Variants in PHOSPHO1 observed in about 807,000 individuals in gnomAD.
PHOSPHO1 encodes the protein phosphoethanolamine/phosphocholine phosphatase 1.
In PHOSPHO1, 6 loss-of-function variants were observed where a neutral mutation model predicts 17.7. The ratio of observed to expected loss-of-function variants is 0.34; its 90% CI spans 0.19 to 0.67. The LOEUF is 0.67. Among genes scored for constraint, PHOSPHO1 ranks in the 30% least tolerant of loss-of-function variants. The probability of loss-of-function intolerance (pLI) is 0.69; values close to 1 mark genes in which losing one functional copy is unlikely to be tolerated. For synonymous variants in PHOSPHO1, 159 were observed against 174.6 expected (o/e 0.91, Z 0.71); for missense variants, 330 against 392.1 (o/e 0.84, Z 1.34).
Position 49,223,966 on chromosome 17 carries a change from C to T in PHOSPHO1, c.*280G>A. On this transcript the variant is annotated 3_prime_UTR_variant, in exon 3 of 3. Transcript: ENST00000310544. ...TCCCAGTTGGGAGGACCAGGAAATACTGCTGCCTTCCAAGGTTTGCGCGCC... is the reference window on the plus strand; with the variant it reads ...TCCCAGTTGGGAGGACCAGGAAATATTGCTGCCTTCCAAGGTTTGCGCGCC... 2.6e-6 allele frequency: 1 copy of T among 381,974 alleles called. No homozygotes were observed. The highest frequency in any genetic ancestry group is 4.6e-6 in the Non-Finnish European group (1 of 216,242). 23.7% of individuals were successfully genotyped at this position (381,974 alleles called of 1,614,324 possible).
At chr17:49,226,618 C>G (rs778177958) in intron 2 of PHOSPHO1, 29 bp downstream of exon 2, 13 of 1,612,706 alleles carry the variant, frequency 8.1e-6, no homozygotes, top group Non-Finnish European at 1.0e-5. Flanking sequence ...AGGCCTCATC[C>G]TAGGAGACCC....
chr17:49,229,750 C>CT (rs1369041449), intron 1 of PHOSPHO1, among the ~76,000 whole-genome samples: 2 of 152,214 alleles, frequency 1.3e-5, no homozygotes, highest in East Asian at 3.8e-4. Flanking sequence ...AATTCCCTCC[C>CT]TTTCCCAGAC....
Position 49,225,805 on chromosome 17 carries a change from G to A in PHOSPHO1, c.46-801C>T, listed in dbSNP as rs751482852. ...GGGAGACAGGTAAGGGAGAAGAGAA[G>A]AGAGCAGCAGTGGCTGAAAAGGCAG... is the stretch of plus-strand genomic sequence containing the variant. On this transcript the variant is annotated intron_variant, in intron 2 of 2. Coordinates refer to ENST00000310544, the MANE Select transcript of PHOSPHO1 (RefSeq NM_178500.4). 42 of 1,222,514 alleles carry A rather than the reference G, an allele frequency of 3.4e-5. No individual in the cohort carries two copies. The South Asian group carries it at 5.7e-4, about 17-fold the overall frequency. 75.7% of individuals were successfully genotyped at this position (1,222,514 alleles called of 1,614,324 possible).
rs577370571 is a variant in PHOSPHO1, at chr17:49,226,379, C to A, written c.45+268G>T. ...CTATCTGCCTCCCTAACCAAGCTGT[C>A]CCTTCCACCTCATCCCTAGAGTCAC... On this transcript the variant is annotated intron_variant, in intron 2 of 2. Transcript: ENST00000310544. Among the ~76,000 whole-genome samples the A allele has an allele frequency of 2.0e-4, 31 of 152,290 alleles. No individual in the cohort carries two copies. The South Asian group carries it at 2.9e-3, about 14-fold the overall frequency.
At chr17:49,229,027 A>AT (rs2043388960) in intron 1 of PHOSPHO1, 1 of 151,634 alleles carries the variant, frequency 6.6e-6, no homozygotes, top group Non-Finnish European at 1.5e-5. Flanking sequence ...ATACAGTTAC[A>AT]TTTTTCTGCT....
In PHOSPHO1 at chr17:49,224,461, G is replaced by A. The variant is rs1326217078; in HGVS notation, c.589C>T (p.Arg197Cys). The change falls in exon 3 of 3, where the codon CGC (arginine) becomes TGC (cysteine). Residue 197 changes from arginine to cysteine, a missense_variant. Arg to Cys is a radical substitution (Grantham distance 180, BLOSUM62 -3). Coordinates refer to ENST00000310544, the MANE Select transcript of PHOSPHO1 (RefSeq NM_178500.4). The part of the protein sequence containing the change: ...ERAHDGVHFE[R>C]LFYVGDGAND... ...GCGCCGTCGCCCACGTAGAAGAGGC[G>A]CTCGAAGTGCACGCCGTCGTGGGCC... is the stretch of plus-strand genomic sequence containing the variant. The A allele has an allele frequency of 6.4e-7, 1 of 1,561,138 alleles. No individual in the cohort carries two copies. The highest frequency in any genetic ancestry group is 8.7e-7 in the Non-Finnish European group (1 of 1,154,986).
At chr17:49,225,030 G>C (rs1336258130) in intron 2 of PHOSPHO1, 26 bp from the exon 3 acceptor site, 6 of 1,366,310 alleles carry the variant, frequency 4.4e-6, no homozygotes, top group Admixed American at 2.7e-5. Context: ...AGAGCAGCAG[G>C]AGGAGGAGGA....
intron 1 of PHOSPHO1, among the ~76,000 whole-genome samples, chr17:49,229,439 CG>C (rs2043391957): frequency 6.6e-6 from 1 of 152,110 alleles, no homozygotes; most frequent in African/African-American, 2.4e-5. Flanking sequence ...AATTCTGCAC[CG>C]GGTCACAGAT....
In PHOSPHO1 at chr17:49,223,505, CT is replaced by C. The variant is rs2043316099; in HGVS notation, c.*740del. The C allele has an allele frequency of 6.5e-6, 1 of 152,800 alleles. No homozygotes were observed. The highest frequency in any genetic ancestry group is 2.4e-5 in the African/African-American group (1 of 41,374). The allele number at this position is 152,800 out of a possible 1,614,324, so 9.5% of individuals were successfully genotyped here. Reference sequence around the variant, plus strand: ...TGGAAGGCCCAGCCCGCGAGGGTGACTTTGGTGAAGTCCCTGGTCTCTTGCT... The same window carrying C: ...TGGAAGGCCCAGCCCGCGAGGGTGACTTGGTGAAGTCCCTGGTCTCTTGCT... On this transcript the variant is annotated 3_prime_UTR_variant, in exon 3 of 3. Coordinates refer to ENST00000310544, the MANE Select transcript of PHOSPHO1 (RefSeq NM_178500.4).
chr17:49,225,689 G>A (rs1489848113), intron 2 of PHOSPHO1: 3 of 1,289,578 alleles, frequency 2.3e-6, no homozygotes, highest in South Asian at 1.2e-5. Context: ...AGCAGGTGGG[G>A]TTTCTGCCAG....
chr17:49,228,780 T>C (rs1598254621), intron 1 of PHOSPHO1, among the ~76,000 whole-genome samples: 1 of 110,858 alleles, frequency 9.0e-6, no homozygotes, highest in Non-Finnish European at 1.7e-5. Context: ...ACAGCGAGAC[T>C]CCGTCTCAAA....
Position 49,224,552 on chromosome 17 carries a change from G to C in PHOSPHO1, c.498C>G (p.His166Gln). The C allele has an allele frequency of 6.4e-7, 1 of 1,567,248 alleles. No homozygotes were observed. The highest frequency in any genetic ancestry group is 2.4e-5 in the East Asian group (1 of 42,292). ...GLLALRPFHT[H>Q]SCARCPANMC... ...TGTTGGCGGGGCAGCGCGCGCAGCT[G>C]TGTGTGTGGAACGGCCGCAGAGCCA... The change falls in exon 3 of 3, where the codon CAC (histidine) becomes CAG (glutamine). Residue 166 changes from histidine (H) to glutamine (Q), a missense_variant. Physicochemically the swap from His to Gln is conservative, Grantham distance 24. Coordinates refer to ENST00000310544, the MANE Select transcript of PHOSPHO1 (RefSeq NM_178500.4).
intron 1 of PHOSPHO1, among the ~76,000 whole-genome samples, chr17:49,228,291 TCCTTCCTC>T (rs1401197463): frequency 1.6e-5 from 1 of 64,476 alleles, no homozygotes; most frequent in Non-Finnish European, 3.6e-5. Context: ...CTTCCTTCCT[TCCTTCCTC>T]CTTCCTTCCT....
chr17:49,223,800 G>A lies in PHOSPHO1; in HGVS notation c.*446C>T, dbSNP rs976632985. ...TGGAGACCCTCTTCTGCCTCTGTGG[G>A]GAGTTCTTGCGGCCAGGAGAATTTC... On this transcript the variant is annotated 3_prime_UTR_variant, in exon 3 of 3. Transcript: ENST00000310544. The A allele has an allele frequency of 6.2e-6, 1 of 162,372 alleles. No homozygotes were observed. The highest frequency in any genetic ancestry group is 2.4e-5 in the African/African-American group (1 of 41,762). 10.1% of individuals were successfully genotyped at this position (162,372 alleles called of 1,614,324 possible). A position where few individuals can be genotyped will look rare whatever the true frequency, so the allele number is the denominator to read the frequency against.
rs111292948 is a variant in PHOSPHO1 at position 49,226,579 on chromosome 17, A to G, written c.45+68T>C. 378 of 1,545,760 alleles carry G rather than the reference A, an allele frequency of 2.4e-4. No individual in the cohort carries two copies. In the African/African-American group the frequency reaches 2.5e-3, roughly 10 times the overall value. ...TGGATAGGGCCTCTCCCAAGGCCCT[A>G]TGGAAAGGTGATGGGAAACTGGGGG... On this transcript the variant is annotated intron_variant, in intron 2 of 2. Coordinates refer to ENST00000310544, the MANE Select transcript of PHOSPHO1 (RefSeq NM_178500.4).
chr17:49,225,062 G>A, intron 2 of PHOSPHO1, 58 bp from the exon 3 acceptor site: 8 of 1,447,412 alleles, frequency 5.5e-6, no homozygotes, highest in Non-Finnish European at 7.2e-6. Flanking sequence ...GCGAGAGGGG[G>A]CGCGGCAGGA....
In PHOSPHO1 at chr17:49,224,912, G is replaced by A. The variant is rs1207193576; in HGVS notation, c.138C>T (p.Ile46=). The A allele has an allele frequency of 6.3e-7, 1 of 1,598,878 alleles. No homozygotes were observed. The highest frequency in any genetic ancestry group is 8.5e-7 in the Non-Finnish European group (1 of 1,173,922). The change falls in exon 3 of 3, where the codon ATC becomes ATT. Residue 46 remains isoleucine, a synonymous_variant. Transcript: ENST00000310544. ...GCCGCTGGCCCGGCGCGGCGCGCAC[G>A]ATCGAATCGTCGCTGTTTTCGTCCA... is the stretch of plus-strand genomic sequence containing the variant. ...TIVDENSDDS[I]VRAAPGQRLP...
chr17:49,228,915 G>GTA (rs1329689743), intron 1 of PHOSPHO1, among the ~76,000 whole-genome samples: 2 of 151,656 alleles, frequency 1.3e-5, no homozygotes, highest in African/African-American at 4.9e-5. Flanking sequence ...AGCTGTAATG[G>GTA]TACCACTGCA....
chr17:49,226,749 T>C lies in PHOSPHO1; in HGVS notation c.-58A>G. 4 of 1,602,716 alleles carry C rather than the reference T, an allele frequency of 2.5e-6. No homozygotes were observed. Among genetic ancestry groups the C allele is most frequent in the Non-Finnish European group, 3.4e-6 (4 of 1,169,944 alleles). ...GGACTCTGTTGGCCTCCAGCCGTCGTCACACGTTCCTGACAACCACAAAAG... is the reference window on the plus strand; with the variant it reads ...GGACTCTGTTGGCCTCCAGCCGTCGCCACACGTTCCTGACAACCACAAAAG... On this transcript the variant is annotated 5_prime_UTR_variant, in exon 2 of 3. Transcript: ENST00000310544.
Sources: gnomAD v4.1 joint callset for allele counts (sites outside exome capture counted in the v4.1 genomes callset) on GRCh38, gnomAD v4.1.1 for gene constraint, MANE v1.5 for transcripts, NCBI Gene and HGNC (gene_info 2026-07-23, HGNC 2026-07-21) for gene names.